MAP4: variants seen among roughly 807,000 people sequenced by gnomAD.
MAP4 encodes microtubule associated protein 4, also known as microtubule-associated protein 4.
A neutral mutation model predicts 170.2 loss-of-function variants in MAP4; 76 were observed. That is an observed-to-expected ratio of 0.45 (90% CI 0.37 to 0.54). MAP4 has a LOEUF of 0.54. MAP4 is among the 20% of genes least tolerant of loss of function. The probability of loss-of-function intolerance (pLI) is 0.00; values close to 1 mark genes in which losing one functional copy is unlikely to be tolerated. For missense variants in MAP4, 2,506 were observed against 2,748.0 expected (o/e 0.91, Z 1.97); for synonymous variants, 909 against 994.5 (o/e 0.91, Z 1.62).
At chr3:47,876,070 A>G (rs2095311521) in intron 11 of MAP4, among the ~76,000 whole-genome samples, 170 bp from the exon 12 acceptor site, 1 of 152,128 alleles carries the variant, frequency 6.6e-6, no homozygotes, top group African/African-American at 2.4e-5. Flanking sequence ...TCTGAGCTCA[A>G]TAAATAATGG....
chr3:48,058,635 C>G (rs1422924693), intron 1 of MAP4, among the ~76,000 whole-genome samples: 1 of 151,764 alleles, frequency 6.6e-6, no homozygotes, highest in Non-Finnish European at 1.5e-5. Flanking sequence ...CCAGAATGAC[C>G]CAAGTAATTC....
rs147921210 is a variant in MAP4, at chr3:47,871,861, G to C, written c.5941+56C>G. 8.1e-5 allele frequency: 124 copies of C among 1,525,236 alleles called. 2 individuals carry two copies. The highest frequency in any genetic ancestry group is 3.5e-4 in the Middle Eastern group (2 of 5,724). The allele number at this position is 1,525,236 out of a possible 1,614,324, so 94.5% of individuals were successfully genotyped here. On this transcript the variant is annotated intron_variant, in intron 13 of 20. Transcript: ENST00000683076. ...TAGCTAGAGCTATGGCTGGGGCAAA[G>C]CCAAGATCCCATTTTCCCCTCCCTA...
chr3:48,068,949 C>A (rs1191464929), intron 1 of MAP4, among the ~76,000 whole-genome samples: 2 of 152,134 alleles, frequency 1.3e-5, no homozygotes, highest in Non-Finnish European at 2.9e-5. Context: ...ATTGTTTCTT[C>A]TATTTTACTT....
At chr3:47,998,602 C>G in intron 2 of MAP4, 36 bp downstream of exon 2, 1 of 1,522,018 alleles carries the variant, frequency 6.6e-7, no homozygotes, top group South Asian at 1.1e-5. Flanking sequence ...AACCTGCTTT[C>G]TGAACATATA....
At position 47,909,331 on chromosome 3, in the gene MAP4, A is replaced by C. The variant is rs2100034756; in HGVS notation, c.5090T>G (p.Leu1697Ter). The C allele has an allele frequency of 6.2e-7, 1 of 1,613,848 alleles. No homozygotes were observed. ...LPTPEIQSDF[L>*]HSKVEAPPSE... ...AGGAGGAGCTTCGACTTTGCTATGT[A>C]AGAAATCTGACTGGATTTCTGGTGT... The change falls in exon 9 of 21, where the codon TTA (leucine) becomes TGA (stop). Residue 1697 changes from leucine to a stop codon, truncating the protein, a stop_gained. Transcript: ENST00000683076. LOFTEE classifies it high-confidence loss of function.
In MAP4 at chr3:48,067,354, T is replaced by C. The variant is rs183294223; in HGVS notation, c.-20+21419A>G. Among the ~76,000 whole-genome samples the C allele has an allele frequency of 3.4e-3, 523 of 152,294 alleles. 4 individuals carry two copies. Among genetic ancestry groups the C allele is most frequent in the African/African-American group, 0.012 (490 of 41,570 alleles). On this transcript the variant is annotated intron_variant, in intron 1 of 18. Transcript: ENST00000360240. Reference sequence around the variant, plus strand: ...ATTTTCATTTATATTTTTAAATTTTTTTTGGCGTGATTGCGCCAAGCTGGA... The same window carrying C: ...ATTTTCATTTATATTTTTAAATTTTCTTTGGCGTGATTGCGCCAAGCTGGA...
rs201279490 is a variant in MAP4, at chr3:47,954,021, C to CA, written c.292+23843dup. ...AGAGTGAGACTCTGTCTCAAAAAAACAAAAAAAAAAACAAACAACAACAAA... is the reference window on the plus strand; with the variant it reads ...AGAGTGAGACTCTGTCTCAAAAAAACAAAAAAAAAAAACAAACAACAACAAA... On this transcript the variant is annotated intron_variant, in intron 3 of 20. Transcript: ENST00000683076. Among the ~76,000 whole-genome samples, 636 of 138,206 alleles carry CA rather than the reference C, an allele frequency of 4.6e-3. 3 individuals are homozygous for CA. The highest frequency in any genetic ancestry group is 0.01 in the African/African-American group (383 of 37,780). 90.7% of individuals were successfully genotyped at this position (138,206 alleles called of 152,430 possible).
intron 9 of MAP4, among the ~76,000 whole-genome samples, chr3:47,906,898 C>T (rs1050318000): frequency 8.0e-5 from 12 of 150,624 alleles, no homozygotes; most frequent in Non-Finnish European, 1.3e-4. Flanking sequence ...TGCAGTGGCG[C>T]GATCTCGGCT....
intron 1 of MAP4, among the ~76,000 whole-genome samples, chr3:48,046,109 A>G (rs944392624): frequency 6.0e-5 from 9 of 150,890 alleles, no homozygotes; most frequent in Non-Finnish European, 8.8e-5. Flanking sequence ...TCCCTCAGTG[A>G]TCTATTTCTT....
At position 47,921,787 on chromosome 3, in the gene MAP4, A is replaced by G. The variant is rs563826148; in HGVS notation, c.507T>C (p.Asn169=). 2.5e-5 allele frequency: 41 copies of G among 1,609,236 alleles called. 1 individual carries two copies. The South Asian group carries it at 4.0e-4, about 16-fold the overall frequency. ...TACCGTAACTGTCTTTCAAGGGATC[A>G]TTTTGTCCTGCAAATATTGAAGTAT... is the stretch of plus-strand genomic sequence containing the variant. ...TADTSIFAGQ[N]DPLKDSYGMS... is the part of the protein sequence containing the mutation. The change falls in exon 5 of 21, where the codon AAT becomes AAC. Residue 169 remains asparagine, a synonymous_variant. Coordinates refer to ENST00000683076, the MANE Select transcript of MAP4 (RefSeq NM_001385682.1).
intron 10 of MAP4, chr3:47,892,317 C>T (rs373516620): frequency 6.5e-6 from 10 of 1,536,132 alleles, no homozygotes; most frequent in Middle Eastern, 3.3e-4. Flanking sequence ...TTTGGTTGCC[C>T]GTCCATGCTG....
chr3:47,885,468 T>C (rs2097424268), intron 10 of MAP4, among the ~76,000 whole-genome samples: 1 of 152,224 alleles, frequency 6.6e-6, no homozygotes, highest in African/African-American at 2.4e-5. Context: ...CAGGTTTGCC[T>C]TCTTTCTACC....
At chr3:47,960,026 C>G (rs990929224) in intron 3 of MAP4, among the ~76,000 whole-genome samples, 1 of 151,878 alleles carries the variant, frequency 6.6e-6, no homozygotes, top group East Asian at 1.9e-4. Flanking sequence ...CCATGCCCAG[C>G]TAACTTTTTG....
chr3:48,053,674 ACGT>A (rs2100129095), intron 1 of MAP4, among the ~76,000 whole-genome samples: 1 of 152,142 alleles, frequency 6.6e-6, no homozygotes, highest in Non-Finnish European at 1.5e-5. Flanking sequence ...GTGAAAATGT[ACGT>A]CGTTTATTTG....
intron 2 of MAP4, among the ~76,000 whole-genome samples, chr3:47,984,277 T>G (rs886163627): frequency 6.6e-6 from 1 of 152,060 alleles, no homozygotes; most frequent in Admixed American, 6.6e-5. Flanking sequence ...GGATTACAAG[T>G]GTGAGTCACC....
At position 47,916,665 on chromosome 3, in the gene MAP4, T is replaced by C; in HGVS notation, c.1162A>G (p.Met388Val). The C allele has an allele frequency of 6.2e-7, 1 of 1,614,172 alleles. No individual in the cohort carries two copies. Among genetic ancestry groups the C allele is most frequent in the Non-Finnish European group, 8.5e-7 (1 of 1,180,020 alleles). ...KETERASPIK[M>V]DLAPSKDMGP... is the part of the protein sequence containing the mutation. ...ATGTCCTTGGAAGGAGCCAAGTCCA[T>C]TTTTATAGGAGATGCCCTCTCTGTT... The change falls in exon 7 of 21, where the codon ATG becomes GTG. Residue 388 changes from methionine to valine, a missense_variant. Transcript: ENST00000683076.
chr3:48,019,825 C>T (rs1364195507), upstream of MAP4, among the ~76,000 whole-genome samples: 4 of 151,796 alleles, frequency 2.6e-5, no homozygotes, highest in Non-Finnish European at 4.4e-5. Context: ...TGCAGTGAGC[C>T]GTGATAGCAC....
intron 3 of MAP4, chr3:47,974,424 A>G: frequency 4.1e-6 from 4 of 974,686 alleles, no homozygotes; most frequent in Non-Finnish European, 4.9e-6. Flanking sequence ...CCCTGTCTCA[A>G]AAACAAAAAA....
chr3:47,918,485 A>T (rs967242331), intron 6 of MAP4, among the ~76,000 whole-genome samples: 4 of 152,146 alleles, frequency 2.6e-5, no homozygotes, highest in Non-Finnish European at 4.4e-5. Context: ...TGATGAAAAA[A>T]ATATATATAT....
Sources: gnomAD v4.1 joint callset for allele counts (sites outside exome capture counted in the v4.1 genomes callset) on GRCh38, gnomAD v4.1.1 for gene constraint, MANE v1.5 for transcripts, NCBI Gene and HGNC (gene_info 2026-07-23, HGNC 2026-07-21) for gene names.